Variants in STK3 observed in about 807,000 individuals in gnomAD.
STK3 encodes serine/threonine kinase 3, also known as serine/threonine-protein kinase 3.
Under a neutral mutation model 58.0 loss-of-function variants are expected in STK3, and 41 were observed. The observed-to-expected ratio is 0.71, with a 90% CI of 0.55 to 0.92. The LOEUF is 0.92. Among genes scored for constraint, STK3 ranks in the 40% least tolerant of loss-of-function variants. The pLI, the probability that STK3 is intolerant of heterozygous loss-of-function variation, is 0.00. For missense variants in STK3, 479 were observed against 602.7 expected (o/e 0.79, Z 2.15); for synonymous variants, 170 against 191.0 (o/e 0.89, Z 0.91).
At chr8:98,487,304 G>T (rs1314091480) in intron 10 of STK3, among the ~76,000 whole-genome samples, 1 of 152,212 alleles carries the variant, frequency 6.6e-6, no homozygotes, top group Non-Finnish European at 1.5e-5. Flanking sequence ...CTAGGACAGA[G>T]GGGACTATGT....
At chr8:98,453,080 GTTTTTTTTTTTTT>G (rs919288019), downstream of STK3, among the ~76,000 whole-genome samples, 4 of 39,680 alleles carry the variant, frequency 1.0e-4, no homozygotes, top group African/African-American at 3.3e-4. Context: ...TTTCTTTCTT[GTTTTTTTTTTTTT>G]TTTTTTTTTT....
intron 10 of STK3, among the ~76,000 whole-genome samples, chr8:98,502,636 G>A (rs1355951756): frequency 6.6e-6 from 1 of 152,112 alleles, no homozygotes; most frequent in Non-Finnish European, 1.5e-5. Flanking sequence ...TTTGTCAAAC[G>A]CCTTTTCTGC....
At chr8:98,589,400 T>G (rs1335078616) in intron 7 of STK3, among the ~76,000 whole-genome samples, 6 of 152,226 alleles carry the variant, frequency 3.9e-5, no homozygotes, top group Non-Finnish European at 5.9e-5. Flanking sequence ...GCCTCCCAGT[T>G]AGGCTGCCCG....
At chr8:98,596,332 G>A (rs1815823767) in intron 6 of STK3, 163 bp from the exon 7 acceptor site, 2 of 671,350 alleles carry the variant, frequency 3.0e-6, no homozygotes, top group Non-Finnish European at 4.8e-6. Flanking sequence ...CAGTCCATCT[G>A]CTACTAATGT....
At chr8:98,767,069 C>T (rs760830303) in intron 3 of STK3, among the ~76,000 whole-genome samples, 174 bp downstream of exon 3, 2 of 151,924 alleles carry the variant, frequency 1.3e-5, no homozygotes, top group African/African-American at 4.8e-5. Flanking sequence ...TGTGGTGAGC[C>T]GAGATGGCGC....
Position 98,428,493 on chromosome 8 carries a change from C to A in STK3, n.483+5634G>T, listed in dbSNP as rs1818278743. On this transcript the variant is annotated intron_variant and non_coding_transcript_variant, in intron 3 of 3. Transcript: ENST00000517832. This position sits in a 1 kb window ranked among gnomAD's most constrained non-coding sequence, Gnocchi z 6.7. Reference sequence around the variant, plus strand: ...GCAGCCCCTCGGCAACTTCCGCAGGCAGCTGTGGCTGGCGCTGGACAACCC... The same window carrying A: ...GCAGCCCCTCGGCAACTTCCGCAGGAAGCTGTGGCTGGCGCTGGACAACCC... 1 of 1,614,168 alleles carries A rather than the reference C, an allele frequency of 6.2e-7. No homozygotes were observed. The highest frequency in any genetic ancestry group is 1.3e-5 in the African/African-American group (1 of 75,064).
At chr8:98,368,034 A>G (rs1446954224), downstream of STK3, among the ~76,000 whole-genome samples, 1 of 150,596 alleles carries the variant, frequency 6.6e-6, no homozygotes, top group Non-Finnish European at 1.5e-5. Flanking sequence ...AGCTCTGGCC[A>G]TGGCCCCAGG....
At chr8:98,555,890 G>T (rs1276832757) in intron 8 of STK3, among the ~76,000 whole-genome samples, 1 of 152,020 alleles carries the variant, frequency 6.6e-6, no homozygotes, top group Non-Finnish European at 1.5e-5. Flanking sequence ...GATGATGGGG[G>T]TGGGGGATTA....
At chr8:98,752,766 C>A (rs1054615399) in intron 3 of STK3, among the ~76,000 whole-genome samples, 5 of 148,732 alleles carry the variant, frequency 3.4e-5, no homozygotes, top group South Asian at 2.1e-4. Flanking sequence ...AAAAAAAAAA[C>A]AAACAACCCC....
At chr8:98,467,025 A>G (rs973303595) in intron 10 of STK3, among the ~76,000 whole-genome samples, 2 of 152,158 alleles carry the variant, frequency 1.3e-5, no homozygotes, top group Non-Finnish European at 2.9e-5. Context: ...AGCAGATATC[A>G]GTGTCTATGC....
chr8:98,825,839 CCCCGCCCCGCCCCCG>C (rs1261386044), upstream of STK3, among the ~76,000 whole-genome samples: 1 of 62,940 alleles, frequency 1.6e-5, no homozygotes, highest in African/African-American at 5.8e-5. Context: ...CCCCCGGCCG[CCCCGCCCCGCCCCCG>C]GCCGCCCCGC....
chr8:98,589,473 A>G (rs550205638), intron 7 of STK3, among the ~76,000 whole-genome samples: 6 of 152,328 alleles, frequency 3.9e-5, no homozygotes, highest in African/African-American at 7.2e-5. Context: ...CTCCAGCTGC[A>G]TACTGGGAGA....
intron 1 of STK3, among the ~76,000 whole-genome samples, chr8:98,931,877 G>C (rs1285789225): frequency 1.3e-5 from 2 of 152,180 alleles, no homozygotes. Flanking sequence ...ACTAATGAAT[G>C]GTCCCTCTTG....
At chr8:98,673,182 T>C (rs567031277) in intron 6 of STK3, among the ~76,000 whole-genome samples, 4 of 152,354 alleles carry the variant, frequency 2.6e-5, no homozygotes, top group African/African-American at 9.6e-5. Context: ...CTTTTCAATT[T>C]TGTTCAGTCA....
intron 8 of STK3, among the ~76,000 whole-genome samples, chr8:98,548,557 T>G (rs761654332): frequency 6.6e-6 from 1 of 152,146 alleles, no homozygotes; most frequent in Non-Finnish European, 1.5e-5. Context: ...TATAACCTTG[T>G]AAAACAGCCA....
At chr8:98,786,422 C>T (rs1832465291) in intron 1 of STK3, among the ~76,000 whole-genome samples, 3 of 152,146 alleles carry the variant, frequency 2.0e-5, no homozygotes, top group African/African-American at 7.2e-5. Flanking sequence ...ATGGTTTGCA[C>T]CTATCGTTCT....
chr8:98,872,157 G>C (rs531968437), intron 3 of STK3, among the ~76,000 whole-genome samples: 2 of 152,106 alleles, frequency 1.3e-5, no homozygotes, highest in Non-Finnish European at 2.9e-5. Context: ...ATTGATTTGC[G>C]TATGTTTAAC....
At chr8:98,524,663 T>A (rs1825617892) in intron 10 of STK3, among the ~76,000 whole-genome samples, 1 of 152,218 alleles carries the variant, frequency 6.6e-6, no homozygotes, top group Admixed American at 6.5e-5. Context: ...TACAACCTTG[T>A]TTTCACCTTC....
intron 10 of STK3, among the ~76,000 whole-genome samples, chr8:98,522,614 A>G (rs1825449561): frequency 6.6e-6 from 1 of 152,104 alleles, no homozygotes. Context: ...CATTATTTAC[A>G]TTCACACTCT....
Sources: allele counts gnomAD v4.1 joint callset (sites outside exome capture counted in the v4.1 genomes callset), GRCh38; gene constraint gnomAD v4.1.1; non-coding constraint Gnocchi (gnomAD v3.1); transcripts MANE v1.5; gene names NCBI Gene and HGNC (gene_info 2026-07-23, HGNC 2026-07-21).